The following PRR12 variants were observed in gnomAD, a reference collection of about 807,000 sequenced individuals.
The protein encoded by PRR12 is proline-rich protein 12.
PRR12 carries 12 observed loss-of-function variants against 138.0 expected under a neutral mutation model. That is an observed-to-expected ratio of 0.09 (90% CI 0.06 to 0.14). The LOEUF (loss-of-function observed/expected upper bound fraction) is 0.14, where lower values mean the gene tolerates loss of function less well. Among genes scored for constraint, PRR12 ranks in the 10% least tolerant of loss-of-function variants. The pLI is 1.00. For missense variants in PRR12, 2,692 were observed against 2,861.3 expected (o/e 0.94, Z 1.35); for synonymous variants, 1,567 against 1,291.7 (o/e 1.21, Z -4.57).
intron 11 of PRR12, among the ~76,000 whole-genome samples, chr19:49,623,631 TAA>T (rs76408039): frequency 3.4e-4 from 45 of 133,576 alleles, no homozygotes; most frequent in Non-Finnish European, 3.4e-4. Flanking sequence ...GACTTTGTCT[TAA>T]AAAAAAAAAA....
Position 49,599,150 on chromosome 19 carries a change from G to C in PRR12, c.3679-122G>C, listed in dbSNP as rs1305601612. ...TAGAATCTAAGACAAGGGGTCTGCA[G>C]GTTTGAATTCTATAAATTCACAGGC... On this transcript the variant is annotated intron_variant, in intron 4 of 13. Transcript: ENST00000418929. This position sits in a 1 kb window ranked among gnomAD's most constrained non-coding sequence, Gnocchi z 5.0. The C allele has an allele frequency of 4.1e-6, 4 of 968,908 alleles. No individual in the cohort carries two copies. The highest frequency in any genetic ancestry group is 4.4e-6 in the Non-Finnish European group (3 of 678,326). 60.0% of individuals were successfully genotyped at this position (968,908 alleles called of 1,614,324 possible). A position where few individuals can be genotyped will look rare whatever the true frequency, so the allele number is the denominator to read the frequency against.
chr19:49,596,549 C>A lies in PRR12; in HGVS notation c.2214C>A (p.Thr738=). 2 of 1,606,312 alleles carry A rather than the reference C, an allele frequency of 1.2e-6. No individual in the cohort carries two copies. ...AAGGGCCAGAGCGGGGTGGCGAGAC[C>A]CCCGAGGGGCTGGCCACCTCTGTTG... The part of the protein sequence containing the change: ...KKKGPERGGE[T]PEGLATSVVH... The change falls in exon 4 of 14, where the codon ACC becomes ACA. Residue 738 remains threonine (T), a synonymous_variant. Coordinates refer to ENST00000418929, the MANE Select transcript of PRR12 (RefSeq NM_020719.3). This position sits in a 1 kb window ranked among gnomAD's most constrained non-coding sequence, Gnocchi z 5.6.
intron 9 of PRR12, among the ~76,000 whole-genome samples, chr19:49,618,901 C>A (rs1391123388): frequency 2.0e-5 from 3 of 151,948 alleles, no homozygotes; most frequent in African/African-American, 7.3e-5. Context: ...TAGGAGGGAT[C>A]TTTCTACGCT....
In PRR12 at chr19:49,614,855, T is replaced by C; in HGVS notation, c.4891-21T>C. The stretch of plus-strand genomic sequence containing the variant: ...CTGGGCAGTGTGAAGAATTTCCTCA[T>C]GTGCCTCTTTCTCCCCATAGTATTT... On this transcript the variant is annotated intron_variant, in intron 7 of 13. Transcript: ENST00000418929. This position sits in a 1 kb window ranked among gnomAD's most constrained non-coding sequence, Gnocchi z 5.0. 1.2e-6 allele frequency: 2 copies of C among 1,613,928 alleles called. No individual in the cohort carries two copies. The highest frequency in any genetic ancestry group is 1.7e-6 in the Non-Finnish European group (2 of 1,179,838).
Position 49,591,841 on chromosome 19 carries a change from A to G in PRR12, c.86+101A>G, listed in dbSNP as rs1415675679. 40 of 627,360 alleles carry G rather than the reference A, an allele frequency of 6.4e-5. No homozygotes were observed. The Admixed American group carries it at 1.7e-3, about 26-fold the overall frequency. The allele number at this position is 627,360 out of a possible 1,614,324, so 38.9% of individuals were successfully genotyped here. A position where few individuals can be genotyped will look rare whatever the true frequency, so the allele number is the denominator to read the frequency against. On this transcript the variant is annotated intron_variant, in intron 1 of 13. Transcript: ENST00000418929. ...GCCCGCCCGGCGACGCGTGCATCGC[A>G]AACTCCCCTCCGGCTTGCAAGGGAG...
rs2080795010 is a variant in PRR12 at position 49,599,210 on chromosome 19, G to C, written c.3679-62G>C. Reference sequence around the variant, plus strand: ...GTAAATTTGGATTTTTGGGGGCTGAGGGAGGATGGGACTGGGGGCCCAGGC... The same window carrying C: ...GTAAATTTGGATTTTTGGGGGCTGACGGAGGATGGGACTGGGGGCCCAGGC... On this transcript the variant is annotated intron_variant, in intron 4 of 13. Transcript: ENST00000418929. The surrounding 1 kb of genome is among the most constrained non-coding windows in gnomAD (Gnocchi z 5.0). 6.8e-7 allele frequency: 1 copy of C among 1,463,194 alleles called. No homozygotes were observed. Among genetic ancestry groups the C allele is most frequent in the African/African-American group, 1.4e-5 (1 of 70,558 alleles). The allele number at this position is 1,463,194 out of a possible 1,614,324, so 90.6% of individuals were successfully genotyped here. A position where few individuals can be genotyped will look rare whatever the true frequency, so the allele number is the denominator to read the frequency against.
In PRR12 at chr19:49,594,715, C is replaced by A; in HGVS notation, c.380C>A (p.Pro127His). 6.2e-7 allele frequency: 1 copy of A among 1,613,102 alleles called. No individual in the cohort carries two copies. The highest frequency in any genetic ancestry group is 8.5e-7 in the Non-Finnish European group (1 of 1,179,808). ...TCTCCAGCCATGCACACGCCAGGCCCCACGGAGCTCTTCATCTCGGGTGCC... is the reference window on the plus strand; with the variant it reads ...TCTCCAGCCATGCACACGCCAGGCCACACGGAGCTCTTCATCTCGGGTGCC... ...SWQTAMHTPG[P>H]TELFISGALP... Residue 127 changes from proline (P) to histidine (H), a missense_variant, in exon 4 of 14, where the codon CCC (proline) becomes CAC (histidine). Pro to His is a moderately conservative substitution (Grantham distance 77). This residue lies in a region of PRR12 where 211 missense variants were observed against 266.3 expected (regional missense o/e 0.79). Coordinates refer to ENST00000418929, the MANE Select transcript of PRR12 (RefSeq NM_020719.3). The surrounding 1 kb of genome is among the most constrained non-coding windows in gnomAD (Gnocchi z 5.6).
intron 9 of PRR12, among the ~76,000 whole-genome samples, chr19:49,618,906 T>C (rs1454080455): frequency 1.3e-5 from 2 of 151,928 alleles, no homozygotes; most frequent in African/African-American, 2.4e-5. Flanking sequence ...GGGATCTTTC[T>C]ACGCTTACAC....
At chr19:49,622,128 C>T (rs1212811243) in intron 11 of PRR12, among the ~76,000 whole-genome samples, 1 of 152,108 alleles carries the variant, frequency 6.6e-6, no homozygotes, top group African/African-American at 2.4e-5. Flanking sequence ...GTTAGGGTAA[C>T]TGAGACTTCT....
rs369870034 is a variant in PRR12, at chr19:49,596,096, C to T, written c.1761C>T (p.Gly587=). Residue 587 remains glycine (G), a synonymous_variant, in exon 4 of 14, where the codon GGC becomes GGT. Transcript: ENST00000418929. This position sits in a 1 kb window ranked among gnomAD's most constrained non-coding sequence, Gnocchi z 5.6. The part of the protein sequence containing the change: ...PPGVGSPGAP[G]KYLSSVLASA... The stretch of plus-strand genomic sequence containing the variant: ...GAGTCGGCTCTCCAGGAGCCCCTGG[C>T]AAATACCTGAGCTCAGTCTTGGCCT... 1.9e-6 allele frequency: 3 copies of T among 1,602,498 alleles called. No homozygotes were observed. The highest frequency in any genetic ancestry group is 2.2e-5 in the East Asian group (1 of 44,870).
At position 49,597,845 on chromosome 19, in the gene PRR12, A is replaced by G. The variant is rs1024096451; in HGVS notation, c.3510A>G (p.Pro1170=). ...TKAKRDGPPR[P]RGRPRIRPLE... The stretch of plus-strand genomic sequence containing the variant: ...CGAAACGTGATGGGCCACCCCGGCC[A>G]CGGGGGAGGCCCCGGATCCGCCCCC... The change falls in exon 4 of 14, where the codon CCA becomes CCG. Residue 1170 remains proline, a synonymous_variant. Transcript: ENST00000418929. This position sits in a 1 kb window ranked among gnomAD's most constrained non-coding sequence, Gnocchi z 6.3. The G allele has an allele frequency of 6.2e-5, 92 of 1,480,678 alleles. No homozygotes were observed. Among genetic ancestry groups the G allele is most frequent in the Non-Finnish European group, 7.3e-5 (82 of 1,117,288 alleles). 91.7% of individuals were successfully genotyped at this position (1,480,678 alleles called of 1,614,324 possible).
In PRR12 at chr19:49,596,458, C is replaced by T. The variant is rs531265357; in HGVS notation, c.2123C>T (p.Ala708Val). The change falls in exon 4 of 14, where the codon GCC becomes GTC. Residue 708 changes from alanine (A) to valine (V), a missense_variant. Physicochemically the swap from Ala to Val is moderately conservative, Grantham distance 64. This residue lies in a region of PRR12 where 840 missense variants were observed against 689.8 expected (regional missense o/e 1.22). Transcript: ENST00000418929. This position sits in a 1 kb window ranked among gnomAD's most constrained non-coding sequence, Gnocchi z 5.6. ...CTGCAGAGTGTCATCCGCACCAGTG[C>T]CAGCCTGGATGAGGGTGCCACTGCG... ...YHLQSVIRTS[A>V]SLDEGATAAL... The T allele has an allele frequency of 1.8e-5, 29 of 1,611,240 alleles. No individual in the cohort carries two copies. The African/African-American group carries it at 3.3e-4, about 19-fold the overall frequency.
intron 2 of PRR12, 108 bp downstream of exon 2, chr19:49,593,547 G>A: frequency 3.3e-6 from 2 of 608,918 alleles, no homozygotes; most frequent in East Asian, 3.0e-5. Context: ...GGCCCGTGCC[G>A]TGGCCCGCCC....
At position 49,597,254 on chromosome 19, in the gene PRR12, C is replaced by A. The variant is rs1215071552; in HGVS notation, c.2919C>A (p.Asp973Glu). 2 of 1,573,938 alleles carry A rather than the reference C, an allele frequency of 1.3e-6. No homozygotes were observed. Among genetic ancestry groups the A allele is most frequent in the Admixed American group, 1.8e-5 (1 of 54,616 alleles). ...CCGGGCCACCTGAGGACGAGGGGGA[C>A]CCCAAGGCTGGCGCTGGGCCACCCC... The part of the protein sequence containing the change: ...GKAGPPEDEG[D>E]PKAGAGPPPG... Residue 973 changes from aspartate to glutamate, a missense_variant, in exon 4 of 14, where the codon GAC becomes GAA. By Grantham distance (45) the Asp-to-Glu change is conservative (BLOSUM62 2). Coordinates refer to ENST00000418929, the MANE Select transcript of PRR12 (RefSeq NM_020719.3). The surrounding 1 kb of genome is among the most constrained non-coding windows in gnomAD (Gnocchi z 6.3).
At chr19:49,605,658 G>A (rs1413878980) in intron 6 of PRR12, among the ~76,000 whole-genome samples, 1 of 152,244 alleles carries the variant, frequency 6.6e-6, no homozygotes, top group African/African-American at 2.4e-5. Context: ...CAGGGCCCTG[G>A]GGCAGGGACT....
At position 49,615,838 on chromosome 19, in the gene PRR12, C is replaced by A. The variant is rs773446207; in HGVS notation, c.5116C>A (p.Pro1706Thr). The A allele has an allele frequency of 6.2e-7, 1 of 1,610,808 alleles. No homozygotes were observed. The highest frequency in any genetic ancestry group is 8.5e-7 in the Non-Finnish European group (1 of 1,178,646). The part of the protein sequence containing the change: ...APAPPPKPET[P>T]EKTTSEKPPE... The stretch of plus-strand genomic sequence containing the variant: ...AGCACCACCTCCCAAGCCTGAGACC[C>A]CTGAAAAGACGACATCTGAGAAGCC... Residue 1706 changes from proline to threonine, a missense_variant, in exon 9 of 14, where the codon CCT (proline) becomes ACT (threonine). Around this residue, in one of 11 missense-constraint regions of PRR12, gnomAD observed 259 missense variants for 265.1 expected, o/e 0.98. Coordinates refer to ENST00000418929, the MANE Select transcript of PRR12 (RefSeq NM_020719.3).
In PRR12 at chr19:49,597,287, C is replaced by A. The variant is rs1357622514; in HGVS notation, c.2952C>A (p.Pro984=). 1 of 1,562,330 alleles carries A rather than the reference C, an allele frequency of 6.4e-7. No individual in the cohort carries two copies. ...PKAGAGPPPG[P]PAYDPYGPYC... ...CTGGCGCTGGGCCACCCCCCGGCCCCCCTGCTTATGATCCCTATGGGCCCT... is the reference window on the plus strand; with the variant it reads ...CTGGCGCTGGGCCACCCCCCGGCCCACCTGCTTATGATCCCTATGGGCCCT... The change falls in exon 4 of 14, where the codon CCC becomes CCA. Residue 984 remains proline, a synonymous_variant. Transcript: ENST00000418929. This position sits in a 1 kb window ranked among gnomAD's most constrained non-coding sequence, Gnocchi z 6.3.
Position 49,597,064 on chromosome 19 carries a change from C to T in PRR12, c.2729C>T (p.Ala910Val). 3 of 1,552,984 alleles carry T rather than the reference C, an allele frequency of 1.9e-6. No individual in the cohort carries two copies. Among genetic ancestry groups the T allele is most frequent in the Non-Finnish European group, 2.6e-6 (3 of 1,149,024 alleles). Residue 910 changes from alanine to valine, a missense_variant, in exon 4 of 14, where the codon GCA becomes GTA. Around this residue, in one of 11 missense-constraint regions of PRR12, gnomAD observed 840 missense variants for 689.8 expected, o/e 1.22. Coordinates refer to ENST00000418929, the MANE Select transcript of PRR12 (RefSeq NM_020719.3). This position sits in a 1 kb window ranked among gnomAD's most constrained non-coding sequence, Gnocchi z 6.3. ...CCAAACTCGGAGGGCAAGGATCCCG[C>T]AGGCGCCTACCGCAGCCCCAGCCCG... ...GPPNSEGKDP[A>V]GAYRSPSPQG...
chr19:49,620,524 G>A (rs2080916809), intron 10 of PRR12, 47 bp downstream of exon 10: 1 of 1,548,876 alleles, frequency 6.5e-7, no homozygotes, highest in Non-Finnish European at 8.7e-7. Flanking sequence ...CTCGGTCTGA[G>A]GGAGCAGGTG....
Sources: gnomAD v4.1 joint callset for allele counts (sites outside exome capture counted in the v4.1 genomes callset) on GRCh38, gnomAD v4.1.1 for gene constraint, gnomAD v4.1.1 regional missense constraint, Gnocchi (gnomAD v3.1) non-coding constraint, MANE v1.5 for transcripts, NCBI Gene and HGNC (gene_info 2026-07-23, HGNC 2026-07-21) for gene names.